LARP4B: variants seen among roughly 807,000 people sequenced by gnomAD.
LARP4B encodes the protein La ribonucleoprotein 4B, also known as la-related protein 4B.
LARP4B carries 12 observed loss-of-function variants against 89.8 expected under a neutral mutation model. The observed-to-expected ratio is 0.13, with a 90% CI of 0.09 to 0.22. The LOEUF (loss-of-function observed/expected upper bound fraction) is 0.22, where lower values mean the gene tolerates loss of function less well. Ranked by LOEUF, LARP4B falls within the 10% of genes least tolerant of loss-of-function variation. The probability of loss-of-function intolerance (pLI) is 1.00; values close to 1 mark genes in which losing one functional copy is unlikely to be tolerated. For missense variants in LARP4B, 757 were observed against 947.7 expected (o/e 0.80, Z 2.64); for synonymous variants, 367 against 363.3 (o/e 1.01, Z -0.12).
At chr10:956,925 C>T in the LARP4B span, among the ~76,000 whole-genome samples, 1 of 152,192 alleles carries the variant, frequency 6.6e-6, no homozygotes, top group Admixed American at 6.5e-5. The surrounding 1 kb of genome is among the most constrained non-coding windows in gnomAD (Gnocchi z 4.3). Flanking sequence ...TAGGCAGACA[C>T]TGAAGAAGAG....
intron 3 of LARP4B, among the ~76,000 whole-genome samples, chr10:880,563 G>GT (rs1835630237): frequency 6.6e-6 from 1 of 152,252 alleles, no homozygotes; most frequent in South Asian, 2.1e-4. Context: ...GTGCATGCCT[G>GT]TAATTCCAGC....
rs545906557 is a variant in LARP4B at position 814,104 on chromosome 10, T to TTTA, written c.1929+635_1929+637dup. Reference sequence around the variant, plus strand: ...GCGTGAGCCACAGCACCTGGCCTCTTTTATTATTATTATTATTTATTATTA... The same window carrying TTTA: ...GCGTGAGCCACAGCACCTGGCCTCTTTTATTATTATTATTATTATTTATTATTA... On this transcript the variant is annotated intron_variant, in intron 17 of 17. Transcript: ENST00000316157. The surrounding 1 kb of genome is among the most constrained non-coding windows in gnomAD (Gnocchi z 4.4). Among the ~76,000 whole-genome samples the TTTA allele has an allele frequency of 6.6e-5, 10 of 151,450 alleles. No individual in the cohort carries two copies. The highest frequency in any genetic ancestry group is 1.9e-4 in the East Asian group (1 of 5,180).
the LARP4B span, among the ~76,000 whole-genome samples, chr10:965,472 C>T: frequency 2.0e-5 from 3 of 152,078 alleles, no homozygotes; most frequent in Non-Finnish European, 4.4e-5. Flanking sequence ...GAAGGCGATC[C>T]GTATTTTCAA....
the LARP4B span, among the ~76,000 whole-genome samples, chr10:979,429 G>T: frequency 6.6e-6 from 1 of 152,172 alleles, no homozygotes; most frequent in Non-Finnish European, 1.5e-5. Flanking sequence ...AGAATTATAA[G>T]GAGGAGAGAC....
At chr10:946,028 G>A in the LARP4B span, among the ~76,000 whole-genome samples, 1 of 152,202 alleles carries the variant, frequency 6.6e-6, no homozygotes, top group African/African-American at 2.4e-5. Flanking sequence ...TTTTGTTACG[G>A]CCAGCGGAGT....
At chr10:842,708 A>G (rs1025242324) in intron 7 of LARP4B, among the ~76,000 whole-genome samples, 8 of 152,168 alleles carry the variant, frequency 5.3e-5, no homozygotes, top group Non-Finnish European at 1.0e-4. Context: ...ATATGTCCCA[A>G]AACTTGTTTG....
At chr10:833,275 A>AAAAAAAAAAAAAAAAAAAAAAAAAAAG (rs1833014415) in intron 8 of LARP4B, among the ~76,000 whole-genome samples, 1 of 145,266 alleles carries the variant, frequency 6.9e-6, no homozygotes. Context: ...AAAAAAAAAA[A>AAAAAAAAAAAAAAAAAAAAAAAAAAAG]AAAAAAAAAC....
At chr10:959,901 C>G in the LARP4B span, among the ~76,000 whole-genome samples, 22 of 144,688 alleles carry the variant, frequency 1.5e-4, no homozygotes, top group East Asian at 4.3e-4. Flanking sequence ...CCACCTCCTC[C>G]TCAATCCCAC....
At chr10:966,004 G>A in the LARP4B span, among the ~76,000 whole-genome samples, 40 of 152,004 alleles carry the variant, frequency 2.6e-4, no homozygotes, top group Non-Finnish European at 5.3e-4. Context: ...AGCAGAAAGG[G>A]ACTTACGTGT....
At chr10:916,960 A>C (rs947359613) in intron 1 of LARP4B, among the ~76,000 whole-genome samples, 1 of 152,148 alleles carries the variant, frequency 6.6e-6, no homozygotes, top group Admixed American at 6.5e-5. Context: ...GGCCTCCTAA[A>C]GTGCTGAGAT....
intron 3 of LARP4B, among the ~76,000 whole-genome samples, chr10:865,595 G>A (rs183161734): frequency 1.3e-5 from 2 of 152,200 alleles, no homozygotes; most frequent in East Asian, 3.9e-4. Context: ...GGGGACTGGT[G>A]GTCCTTCCTG....
chr10:976,165 G>GA, the LARP4B span, among the ~76,000 whole-genome samples: 1 of 150,306 alleles, frequency 6.7e-6, no homozygotes, highest in South Asian at 2.1e-4. Context: ...GTAAGGTGCG[G>GA]CCCGCCCTAG....
chr10:828,943 A>G (rs937732331), intron 11 of LARP4B, among the ~76,000 whole-genome samples: 5 of 152,200 alleles, frequency 3.3e-5, no homozygotes, highest in Non-Finnish European at 5.9e-5. Context: ...GCCAAAATCC[A>G]TAAAAATTAA....
chr10:891,395 G>C (rs1272686232), intron 1 of LARP4B, among the ~76,000 whole-genome samples: 1 of 152,088 alleles, frequency 6.6e-6, no homozygotes, highest in Non-Finnish European at 1.5e-5. Context: ...AACAGTAAAA[G>C]GACAACTGAT....
intron 8 of LARP4B, among the ~76,000 whole-genome samples, chr10:834,977 T>A (rs563692360): frequency 4.7e-5 from 7 of 150,366 alleles, no homozygotes; most frequent in Non-Finnish European, 7.4e-5. Context: ...GAGGTGGAGG[T>A]TGCAGTGAGC....
chr10:930,979 G>A (rs1180327739), intron 1 of LARP4B, among the ~76,000 whole-genome samples: 1 of 149,936 alleles, frequency 6.7e-6, no homozygotes, highest in Non-Finnish European at 1.5e-5. Context: ...CCCCGCCCAG[G>A]CCCTGCCCGA....
Position 825,837 on chromosome 10 carries a change from C to T in LARP4B, c.1159G>A (p.Gly387Arg), listed in dbSNP as rs1832591686. The change falls in exon 12 of 18, where the codon GGG becomes AGG. Residue 387 changes from glycine (G) to arginine (R), a missense_variant. Coordinates refer to ENST00000316157, the MANE Select transcript of LARP4B (RefSeq NM_015155.3). ...TPFPNTGFIN[G>R]FTSPAFKPAA... ...GGCTTGAACGCTGGAGACGTAAACC[C>T]ATTTATAAATCCAGTATTTGGAAAT... 6.2e-7 allele frequency: 1 copy of T among 1,613,034 alleles called. No homozygotes were observed. Among genetic ancestry groups the T allele is most frequent in the African/African-American group, 1.3e-5 (1 of 74,932 alleles).
the LARP4B span, among the ~76,000 whole-genome samples, chr10:961,546 A>G: frequency 2.7e-5 from 4 of 147,920 alleles, no homozygotes; most frequent in African/African-American, 5.1e-5. Flanking sequence ...AGGTCCACTC[A>G]TGGCGGCGTG....
At chr10:889,963 T>C (rs887934830) in intron 1 of LARP4B, among the ~76,000 whole-genome samples, 12 of 152,316 alleles carry the variant, frequency 7.9e-5, no homozygotes, top group African/African-American at 2.9e-4. Flanking sequence ...AAGGGATAAC[T>C]GTAACAATCC....
Sources: allele counts gnomAD v4.1 joint callset (sites outside exome capture counted in the v4.1 genomes callset), GRCh38; gene constraint gnomAD v4.1.1; non-coding constraint Gnocchi (gnomAD v3.1); transcripts MANE v1.5; gene names NCBI Gene and HGNC (gene_info 2026-07-23, HGNC 2026-07-21).